CHL1: variants seen among roughly 807,000 people sequenced by gnomAD.
The protein encoded by CHL1 is neural cell adhesion molecule L1-like protein.
In CHL1, 96 loss-of-function variants were observed where a neutral mutation model predicts 141.9. That is an observed-to-expected ratio of 0.68 (90% CI 0.57 to 0.80). The LOEUF (loss-of-function observed/expected upper bound fraction) is 0.80, where lower values mean the gene tolerates loss of function less well. CHL1 is among the 30% of genes least tolerant of loss of function. The pLI is 0.00. For synonymous variants in CHL1, 613 were observed against 502.2 expected, an observed-to-expected ratio of 1.22 and a Z score of -2.95; for missense variants, 1,820 against 1,457.2, an observed-to-expected ratio of 1.25 and a Z score of -4.05.
chr3:350,351 T>C (rs929727415), intron 10 of CHL1, among the ~76,000 whole-genome samples: 2 of 152,166 alleles, frequency 1.3e-5, no homozygotes, highest in Non-Finnish European at 2.9e-5. Flanking sequence ...CACAGACTAT[T>C]TTCTGTGGAT....
At chr3:236,028 G>A (rs1691941313) in intron 1 of CHL1, among the ~76,000 whole-genome samples, 1 of 152,124 alleles carries the variant, frequency 6.6e-6, no homozygotes, top group African/African-American at 2.4e-5. Context: ...CTTGAAACAT[G>A]GCCTCAAGGA....
chr3:226,820 C>G lies in CHL1; in HGVS notation c.-174-17793C>G, dbSNP rs141321514. On this transcript the variant is annotated intron_variant, in intron 1 of 27. Transcript: ENST00000256509. ...CATTCTCCAAAATGTTGCCTTTCTTCTCAATGCTTAGCAGACAATTTGATA... is the reference window on the plus strand; with the variant it reads ...CATTCTCCAAAATGTTGCCTTTCTTGTCAATGCTTAGCAGACAATTTGATA... 6.9e-4 allele frequency among the ~76,000 whole-genome samples: 105 copies of G among 152,216 alleles called. 1 individual carries two copies. In the East Asian group the frequency reaches 0.019, roughly 28 times the overall value.
At chr3:276,659 G>C (rs934823799) in intron 2 of CHL1, among the ~76,000 whole-genome samples, 11 of 151,842 alleles carry the variant, frequency 7.2e-5, no homozygotes, top group African/African-American at 2.7e-4. Context: ...GGAGGCCGAG[G>C]GGGGCGGATC....
At chr3:317,519 C>T (rs1179291711) in intron 2 of CHL1, among the ~76,000 whole-genome samples, 2 of 151,664 alleles carry the variant, frequency 1.3e-5, no homozygotes, top group Non-Finnish European at 2.9e-5. Context: ...ACTCATAAAA[C>T]ACATACATGA....
chr3:286,348 T>C (rs747078729), intron 2 of CHL1, among the ~76,000 whole-genome samples: 7 of 152,110 alleles, frequency 4.6e-5, no homozygotes, highest in African/African-American at 1.4e-4. Context: ...TGGTGGCTCA[T>C]GCCTGTAATC....
rs1559252689 is a variant in CHL1, at chr3:322,647, T to TATATATATATATATATATAAA, written c.91+2799_91+2800insAAATATATATATATATATATA. On this transcript the variant is annotated intron_variant, in intron 3 of 27. Coordinates refer to ENST00000256509, the MANE Select transcript of CHL1 (RefSeq NM_006614.4). ...CTCTAAATTATATATATATATAAAA[T>TATATATATATATATATATAAA]ATATATATATATATATATATATAAT... Among the ~76,000 whole-genome samples the TATATATATATATATATATAAA allele has an allele frequency of 1.8e-4, 8 of 44,778 alleles. No individual in the cohort carries two copies. The East Asian group carries it at 2.9e-3, about 16-fold the overall frequency. 29.4% of individuals were successfully genotyped at this position (44,778 alleles called of 152,430 possible).
chr3:240,230 T>C (rs1038972007), intron 1 of CHL1, among the ~76,000 whole-genome samples: 1 of 152,214 alleles, frequency 6.6e-6, no homozygotes, highest in Non-Finnish European at 1.5e-5. Context: ...AAGTGCTCCC[T>C]TTCCATTGCA....
intron 27 of CHL1, among the ~76,000 whole-genome samples, chr3:402,843 A>T (rs933072528): frequency 3.9e-5 from 6 of 152,214 alleles, no homozygotes; most frequent in African/African-American, 7.2e-5. Flanking sequence ...GAATTTTGGA[A>T]CTTCACGAAT....
chr3:198,181 G>A (rs1034490383), intron 1 of CHL1: 5 of 184,592 alleles, frequency 2.7e-5, no homozygotes, highest in African/African-American at 9.6e-5. Flanking sequence ...AGGGGTGGGA[G>A]GCCGGCGGCG....
At chr3:236,651 T>C (rs12497412) in intron 1 of CHL1, among the ~76,000 whole-genome samples, 77,000 of 151,722 alleles carry the variant, frequency 0.51, 21,206 homozygotes, top group Non-Finnish European at 0.61. Flanking sequence ...TTCCAAGTTG[T>C]AACAGGCCAA....
At chr3:324,761 C>A (rs758723056) in intron 3 of CHL1, among the ~76,000 whole-genome samples, 40 of 151,996 alleles carry the variant, frequency 2.6e-4, no homozygotes, top group African/African-American at 9.4e-4. Flanking sequence ...TTAATTTTTA[C>A]ATTTTTTTGT....
At chr3:337,552 TC>T (rs1388151409) in intron 5 of CHL1, among the ~76,000 whole-genome samples, 8 of 148,222 alleles carry the variant, frequency 5.4e-5, no homozygotes, top group Non-Finnish European at 7.4e-5. Flanking sequence ...GTGTGTGATG[TC>T]CCCCTTCCTA....
At chr3:250,015 G>A (rs1693539888) in intron 2 of CHL1, among the ~76,000 whole-genome samples, 1 of 151,858 alleles carries the variant, frequency 6.6e-6, no homozygotes, top group Non-Finnish European at 1.5e-5. Flanking sequence ...CACCCAGGTT[G>A]GAATGTAGTG....
chr3:389,854 C>T (rs142027076), intron 20 of CHL1, among the ~76,000 whole-genome samples: 14 of 152,260 alleles, frequency 9.2e-5, no homozygotes, highest in African/African-American at 3.1e-4. Context: ...TGCTCTCATG[C>T]CCTGGGCTTC....
chr3:330,769 G>A (rs969543412), intron 5 of CHL1, among the ~76,000 whole-genome samples: 2 of 152,138 alleles, frequency 1.3e-5, no homozygotes, highest in Non-Finnish European at 2.9e-5. Context: ...AACTTCAGTA[G>A]AAATTATTAA....
intron 12 of CHL1, among the ~76,000 whole-genome samples, chr3:361,052 A>G (rs1021092630): frequency 2.0e-5 from 3 of 152,108 alleles, no homozygotes; most frequent in African/African-American, 7.2e-5. Context: ...CAAAAAACAT[A>G]CGTGTGCAGG....
At chr3:197,196 C>G (rs1698403760) in intron 1 of CHL1, 133 bp downstream of exon 1, 1 of 152,418 alleles carries the variant, frequency 6.6e-6, no homozygotes, top group South Asian at 2.1e-4. Context: ...GTCAGGGTCC[C>G]TCGTCCGCAG....
chr3:247,636 G>T (rs1199734109), intron 2 of CHL1: 3 of 152,030 alleles, frequency 2.0e-5, no homozygotes, highest in Admixed American at 6.6e-5. Flanking sequence ...TGCTATCTTG[G>T]CAGTCTTGCT....
chr3:338,951 T>C (rs1254515493), intron 5 of CHL1, among the ~76,000 whole-genome samples: 1 of 152,224 alleles, frequency 6.6e-6, no homozygotes, highest in Non-Finnish European at 1.5e-5. Context: ...TTTATACATC[T>C]TATTAATTAA....
Sources: allele counts gnomAD v4.1 joint callset (sites outside exome capture counted in the v4.1 genomes callset), GRCh38; gene constraint gnomAD v4.1.1; transcripts MANE v1.5; gene names NCBI Gene and HGNC (gene_info 2026-07-23, HGNC 2026-07-21).